BIRC6: variants seen among roughly 807,000 people sequenced by gnomAD.
BIRC6 encodes the protein baculoviral IAP repeat containing 6.
Under a neutral mutation model 503.3 loss-of-function variants are expected in BIRC6, and 98 were observed. The observed-to-expected ratio is 0.19, with a 90% CI of 0.17 to 0.23. The LOEUF (loss-of-function observed/expected upper bound fraction) is 0.23. BIRC6 is among the 10% of genes least tolerant of loss of function. The pLI, the probability that BIRC6 is intolerant of heterozygous loss-of-function variation, is 1.00. For missense variants in BIRC6, 5,360 were observed against 5,806.0 expected (o/e 0.92, Z 2.50); for synonymous variants, 2,240 against 2,078.7 (o/e 1.08, Z -2.11).
At position 32,487,653 on chromosome 2, in the gene BIRC6, A is replaced by G. The variant is rs752657870; in HGVS notation, c.7820A>G (p.Gln2607Arg). The G allele has an allele frequency of 3.7e-6, 6 of 1,613,178 alleles. 1 individual carries two copies. The South Asian group carries it at 6.6e-5, about 18-fold the overall frequency. Residue 2607 changes from glutamine (Q) to arginine (R), a missense_variant, in exon 41 of 74, where the codon CAG becomes CGG. By Grantham distance (43) the Gln-to-Arg change is conservative (BLOSUM62 1). Around this residue, in one of 16 missense-constraint regions of BIRC6, gnomAD observed 2,299 missense variants for 2,267.2 expected, o/e 1.01. Coordinates refer to ENST00000421745, the MANE Select transcript of BIRC6 (RefSeq NM_016252.4). ...ALTNTSPTLS[Q>R]SPTGTDDSLL... ...ACTTGTGTTTAATTTTCAGTATCAC[A>G]GTCTCCCACTGGAACAGATGATTCA...
intron 31 of BIRC6, 145 bp downstream of exon 31, chr2:32,470,446 C>G (rs1266883955): frequency 1.3e-6 from 1 of 778,064 alleles, no homozygotes; most frequent in Non-Finnish European, 1.9e-6. Context: ...ATGAGCAACC[C>G]TCATGTGATT....
intron 53 of BIRC6, 89 bp from the exon 54 acceptor site, chr2:32,512,844 C>T: frequency 2.1e-6 from 2 of 930,440 alleles, no homozygotes; most frequent in African/African-American, 1.6e-5. Context: ...CATAAATACC[C>T]TACTCACCAT....
chr2:32,479,719 A>C, intron 37 of BIRC6, 102 bp downstream of exon 37: 1 of 1,106,310 alleles, frequency 9.0e-7, no homozygotes, highest in Middle Eastern at 2.7e-4. Context: ...ATATTTTTCT[A>C]TTAGTTCTTT....
chr2:32,471,347 CTT>C (rs1393545905), intron 32 of BIRC6, among the ~76,000 whole-genome samples: 2 of 152,190 alleles, frequency 1.3e-5, no homozygotes, highest in Non-Finnish European at 2.9e-5. Flanking sequence ...CTGGACATGA[CTT>C]TTAGTTTCTA....
chr2:32,480,816 A>AT (rs1285199107), intron 37 of BIRC6, among the ~76,000 whole-genome samples: 6 of 151,280 alleles, frequency 4.0e-5, no homozygotes, highest in Non-Finnish European at 8.8e-5. Flanking sequence ...TAATTTTTGT[A>AT]TTTTTTGTAG....
At position 32,547,990 on chromosome 2, in the gene BIRC6, G is replaced by A. The variant is rs2058166300; in HGVS notation, c.12951G>A (p.Glu4317=). 3.1e-6 allele frequency: 5 copies of A among 1,606,694 alleles called. No individual in the cohort carries two copies. Among genetic ancestry groups the A allele is most frequent in the South Asian group, 2.2e-5 (2 of 89,254 alleles). Residue 4317 remains glutamate, a synonymous_variant, in exon 64 of 74, where the codon GAG becomes GAA. Coordinates refer to ENST00000421745, the MANE Select transcript of BIRC6 (RefSeq NM_016252.4). ...CCTTAACTAAGCAAAGGCTGGAAGAGGAACATGTTACCTGCCTTCTGCAGG... is the reference window on the plus strand; with the variant it reads ...CCTTAACTAAGCAAAGGCTGGAAGAAGAACATGTTACCTGCCTTCTGCAGG... ...EQALTKQRLE[E]EHVTCLLQVL... is the part of the protein sequence containing the mutation.
intron 47 of BIRC6, among the ~76,000 whole-genome samples, chr2:32,502,195 T>G (rs960105896): frequency 6.6e-6 from 1 of 152,188 alleles, no homozygotes; most frequent in East Asian, 1.9e-4. Flanking sequence ...AATACTGAGG[T>G]GTTCTCCATA....
chr2:32,463,498 T>A (rs2048213350), intron 24 of BIRC6, 117 bp downstream of exon 24: 2 of 1,033,786 alleles, frequency 1.9e-6, no homozygotes, highest in East Asian at 5.8e-5. Flanking sequence ...TCTGAGCTAA[T>A]CAGTTTCAAC....
chr2:32,530,038 C>T (rs1161895094), intron 60 of BIRC6, among the ~76,000 whole-genome samples: 3 of 151,958 alleles, frequency 2.0e-5, no homozygotes, highest in Non-Finnish European at 2.9e-5. Flanking sequence ...TTTATGAGCG[C>T]ATGTACTTTA....
chr2:32,433,528 C>A, intron 12 of BIRC6, 116 bp from the exon 13 acceptor site: 1 of 822,592 alleles, frequency 1.2e-6, no homozygotes, highest in Non-Finnish European at 1.8e-6. Flanking sequence ...TTGAGAAACA[C>A]TAGATTTTGT....
intron 3 of BIRC6, among the ~76,000 whole-genome samples, chr2:32,386,166 A>G (rs1170422551): frequency 1.3e-5 from 2 of 152,174 alleles, no homozygotes; most frequent in African/African-American, 4.8e-5. Context: ...AAAGATTGCA[A>G]AGATTTATTA....
Position 32,545,749 on chromosome 2 carries a change from T to A in BIRC6, c.12699T>A (p.Leu4233=). The change falls in exon 63 of 74, where the codon CTT becomes CTA. Residue 4233 remains leucine (L), a synonymous_variant. Coordinates refer to ENST00000421745, the MANE Select transcript of BIRC6 (RefSeq NM_016252.4). ...CTTTGACAACTGATGATGGTGTACT[T>A]CTAAGGCGGATGGCATTGGAAATTG... ...TTPLTTDDGV[L]LRRMALEIGA... The A allele has an allele frequency of 6.2e-7, 1 of 1,613,904 alleles. No individual in the cohort carries two copies. The highest frequency in any genetic ancestry group is 8.5e-7 in the Non-Finnish European group (1 of 1,179,814).
At chr2:32,425,378 G>A (rs565396752) in intron 10 of BIRC6, among the ~76,000 whole-genome samples, 14 of 148,198 alleles carry the variant, frequency 9.4e-5, no homozygotes, top group South Asian at 4.2e-4. Context: ...TTCATTTAAC[G>A]TTTTTGACTA....
Position 32,439,560 on chromosome 2 carries a change from T to C in BIRC6, c.3684T>C (p.Asn1228=). ...TTTTAATCCATGTCAAGGCAGTGAA[T>C]GAAAGAGGAACAGAAGAGATTTGTA... ...RSFLIHVKAV[N]ERGTEEICNG... The change falls in exon 16 of 74, where the codon AAT becomes AAC. Residue 1228 remains asparagine (N), a synonymous_variant. Coordinates refer to ENST00000421745, the MANE Select transcript of BIRC6 (RefSeq NM_016252.4). 1 of 1,613,874 alleles carries C rather than the reference T, an allele frequency of 6.2e-7. No individual in the cohort carries two copies. The highest frequency in any genetic ancestry group is 8.5e-7 in the Non-Finnish European group (1 of 1,179,842).
intron 50 of BIRC6, among the ~76,000 whole-genome samples, chr2:32,506,247 C>G (rs1418017477): frequency 1.3e-5 from 2 of 152,118 alleles, no homozygotes; most frequent in African/African-American, 2.4e-5. Context: ...TTGATTGATT[C>G]TCATTGCTAT....
At chr2:32,373,476 T>G (rs1035185741) in intron 1 of BIRC6, among the ~76,000 whole-genome samples, 1 of 152,142 alleles carries the variant, frequency 6.6e-6, no homozygotes, top group Non-Finnish European at 1.5e-5. Context: ...AGACCATTCA[T>G]TGGGGGAAGC....
intron 25 of BIRC6, 39 bp from the exon 26 acceptor site, chr2:32,465,026 T>A: frequency 7.3e-7 from 1 of 1,374,690 alleles, no homozygotes; most frequent in Non-Finnish European, 1.0e-6. Flanking sequence ...TATAGTAATA[T>A]CAATATAAAG....
intron 65 of BIRC6, chr2:32,574,782 C>T (rs2060151735): frequency 3.6e-6 from 1 of 276,270 alleles, no homozygotes; most frequent in Non-Finnish European, 7.0e-6. Context: ...GAGTTTCACT[C>T]TTGTGGCCCA....
chr2:32,506,267 C>G (rs1646728013), intron 50 of BIRC6, among the ~76,000 whole-genome samples: 4 of 152,204 alleles, frequency 2.6e-5, no homozygotes, highest in Admixed American at 2.6e-4. Flanking sequence ...TCAAATATCA[C>G]TCAATAATTG....
Sources: gnomAD v4.1 joint callset for allele counts (sites outside exome capture counted in the v4.1 genomes callset) on GRCh38, gnomAD v4.1.1 for gene constraint, gnomAD v4.1.1 regional missense constraint, MANE v1.5 for transcripts, NCBI Gene and HGNC (gene_info 2026-07-23, HGNC 2026-07-21) for gene names.